Variants in PLXDC2 observed in about 807,000 individuals in gnomAD.
The protein encoded by PLXDC2 is plexin domain containing 2.
Under a neutral mutation model 68.9 loss-of-function variants are expected in PLXDC2, and 40 were observed. The ratio of observed to expected loss-of-function variants is 0.58; its 90% CI spans 0.45 to 0.76. The LOEUF (loss-of-function observed/expected upper bound fraction) is 0.76. PLXDC2 is among the 30% of genes least tolerant of loss of function. PLXDC2 has a pLI of 0.00. For synonymous variants in PLXDC2, 243 were observed against 234.2 expected (o/e 1.04, Z -0.34); for missense variants, 644 against 661.9 (o/e 0.97, Z 0.30).
intron 2 of PLXDC2, among the ~76,000 whole-genome samples, chr10:20,023,392 G>A (rs1050240939): frequency 6.6e-6 from 1 of 152,108 alleles, no homozygotes. Context: ...CCTCCAAAAA[G>A]CATGTGTTTG....
chr10:19,845,038 TG>T (rs1287024032), intron 1 of PLXDC2, among the ~76,000 whole-genome samples: 2 of 152,188 alleles, frequency 1.3e-5, no homozygotes. Flanking sequence ...AGGAACCCAC[TG>T]GGACATGACA....
chr10:19,817,101 G>C lies in PLXDC2; in HGVS notation c.22G>C (p.Asp8His). Residue 8 changes from aspartate (D) to histidine (H), a missense_variant, in exon 1 of 14, where the codon GAC becomes CAC. Asp to His is a moderately conservative substitution (Grantham distance 81, BLOSUM62 -1). Around this residue, in one of 3 missense-constraint regions of PLXDC2, gnomAD observed 201 missense variants for 166.9 expected, o/e 1.20. Coordinates refer to ENST00000377252, the MANE Select transcript of PLXDC2 (RefSeq NM_032812.9). MARFPKA[D>H]LAAAGVMLLC... The stretch of plus-strand genomic sequence containing the variant: ...CGGCATGGCGAGGTTCCCGAAGGCC[G>C]ACCTGGCCGCTGCAGGAGTTATGTT... 6.4e-7 allele frequency: 1 copy of C among 1,559,606 alleles called. No homozygotes were observed. The highest frequency in any genetic ancestry group is 1.2e-5 in the South Asian group (1 of 85,228).
chr10:20,199,439 A>G (rs919729274), intron 9 of PLXDC2, among the ~76,000 whole-genome samples: 2 of 151,980 alleles, frequency 1.3e-5, no homozygotes, highest in Admixed American at 1.3e-4. Flanking sequence ...AGATAAGACT[A>G]TTGGAAAGGA....
intron 4 of PLXDC2, among the ~76,000 whole-genome samples, chr10:20,133,159 T>C (rs1833889612): frequency 6.6e-6 from 1 of 152,192 alleles, no homozygotes; most frequent in Admixed American, 6.5e-5. Flanking sequence ...TTTTATTATG[T>C]ATTCATTAAT....
At chr10:19,972,107 G>A (rs1176566546) in intron 1 of PLXDC2, among the ~76,000 whole-genome samples, 1 of 152,160 alleles carries the variant, frequency 6.6e-6, no homozygotes, top group Non-Finnish European at 1.5e-5. Flanking sequence ...TTGAAGATCA[G>A]ACTAAGATGC....
rs141653308 is a variant in PLXDC2, at chr10:19,927,769, C to T, written c.113-74006C>T. Among the ~76,000 whole-genome samples, 5 of 149,306 alleles carry T rather than the reference C, an allele frequency of 3.3e-5. No individual in the cohort carries two copies. In the East Asian group the frequency reaches 9.8e-4, roughly 29 times the overall value. ...GAATCATGGGTGGGTATAATATCCT[C>T]CTTGAAAAATGAGAAGTTCAATGTC... On this transcript the variant is annotated intron_variant, in intron 1 of 13. Transcript: ENST00000377252.
chr10:19,997,902 G>A (rs994549112), intron 1 of PLXDC2, among the ~76,000 whole-genome samples: 1 of 152,156 alleles, frequency 6.6e-6, no homozygotes, highest in Non-Finnish European at 1.5e-5. Flanking sequence ...TAAGATCAAT[G>A]TATATATTGT....
intron 4 of PLXDC2, among the ~76,000 whole-genome samples, chr10:20,122,264 G>A (rs1351180012): frequency 1.3e-5 from 2 of 152,188 alleles, no homozygotes; most frequent in African/African-American, 2.4e-5. Context: ...CACAGTTATG[G>A]AAGCAAGGGA....
chr10:20,217,415 T>C lies in PLXDC2; in HGVS notation c.1123-11T>C, dbSNP rs1440244555. On this transcript the variant is annotated splice_polypyrimidine_tract_variant and intron_variant, in intron 10 of 13. Transcript: ENST00000377252. ...CACTCCATTTGTTTTCCTTTTCTTTTCTCTTACTAGTCAAAAGAGAAGATG... is the reference window on the plus strand; with the variant it reads ...CACTCCATTTGTTTTCCTTTTCTTTCCTCTTACTAGTCAAAAGAGAAGATG... 3.1e-6 allele frequency: 5 copies of C among 1,601,468 alleles called. No individual in the cohort carries two copies. In the Middle Eastern group the frequency reaches 5.0e-4, roughly 161 times the overall value.
intron 6 of PLXDC2, among the ~76,000 whole-genome samples, chr10:20,161,331 A>T (rs200274305): frequency 1.5e-4 from 10 of 67,332 alleles, no homozygotes; most frequent in African/African-American, 2.4e-4. Context: ...AATAAAAATT[A>T]AAAAAAAAAA....
chr10:20,098,257 C>A (rs1043292907), intron 4 of PLXDC2, among the ~76,000 whole-genome samples: 5 of 151,998 alleles, frequency 3.3e-5, no homozygotes, highest in Non-Finnish European at 7.4e-5. Context: ...CTTGCCTCTT[C>A]TAGCCAGAAG....
chr10:20,078,196 G>A (rs1414259598), intron 4 of PLXDC2, among the ~76,000 whole-genome samples: 1 of 152,012 alleles, frequency 6.6e-6, no homozygotes, highest in South Asian at 2.1e-4. Flanking sequence ...TGGAAAACAC[G>A]GTGAGACTTT....
At chr10:19,854,414 G>A (rs868780433) in intron 1 of PLXDC2, among the ~76,000 whole-genome samples, 1 of 152,110 alleles carries the variant, frequency 6.6e-6, no homozygotes, top group African/African-American at 2.4e-5. Flanking sequence ...CCTCCCAGGG[G>A]CCATATGGCA....
chr10:20,262,592 C>T (rs930811201), intron 13 of PLXDC2, among the ~76,000 whole-genome samples: 1 of 152,202 alleles, frequency 6.6e-6, no homozygotes, highest in African/African-American at 2.4e-5. Context: ...CCCAGCAAAG[C>T]ACAGCTGCTC....
At chr10:20,087,903 AG>A (rs1833222256) in intron 4 of PLXDC2, among the ~76,000 whole-genome samples, 1 of 152,202 alleles carries the variant, frequency 6.6e-6, no homozygotes, top group African/African-American at 2.4e-5. Context: ...GTTTTAATCA[AG>A]GGCACAAAGG....
chr10:20,249,985 A>G (rs556833570), intron 13 of PLXDC2, among the ~76,000 whole-genome samples: 58 of 152,178 alleles, frequency 3.8e-4, no homozygotes, highest in Non-Finnish European at 7.8e-4. Context: ...GAATGATGCT[A>G]GGCCGGGAGC....
At chr10:20,267,367 T>A (rs2151087) in intron 13 of PLXDC2, among the ~76,000 whole-genome samples, 132,860 of 152,150 alleles carry the variant, frequency 0.87, 58,477 homozygotes, top group Middle Eastern at 0.95. Flanking sequence ...TGACTTGCCA[T>A]AGGCCTTAGT....
intron 2 of PLXDC2, among the ~76,000 whole-genome samples, chr10:20,012,400 C>G (rs1020940974): frequency 1.4e-5 from 2 of 145,958 alleles, no homozygotes; most frequent in African/African-American, 5.0e-5. Context: ...TAACTGCACC[C>G]TCCACCTTCC....
At chr10:19,889,796 G>C (rs1837917248) in intron 1 of PLXDC2, among the ~76,000 whole-genome samples, 1 of 152,200 alleles carries the variant, frequency 6.6e-6, no homozygotes, top group Non-Finnish European at 1.5e-5. Context: ...ACTCCAAATA[G>C]TGCCAGCAGG....
Sources: gnomAD v4.1 joint callset for allele counts (sites outside exome capture counted in the v4.1 genomes callset) on GRCh38, gnomAD v4.1.1 for gene constraint, gnomAD v4.1.1 regional missense constraint, MANE v1.5 for transcripts, NCBI Gene and HGNC (gene_info 2026-07-23, HGNC 2026-07-21) for gene names.